ADK: variants seen among roughly 807,000 people sequenced by gnomAD.
The protein encoded by ADK is N6,N6-dimethyladenosine kinase.
Under a neutral mutation model 44.7 loss-of-function variants are expected in ADK, and 24 were observed. That is an observed-to-expected ratio of 0.54 (90% CI 0.39 to 0.76). ADK has a LOEUF of 0.76. Among genes scored for constraint, ADK ranks in the 30% least tolerant of loss-of-function variants. The probability of loss-of-function intolerance (pLI) is 0.00; values close to 1 mark genes in which losing one functional copy is unlikely to be tolerated. For missense variants in ADK, 321 were observed against 425.1 expected, an observed-to-expected ratio of 0.76 and a Z score of 2.15; for synonymous variants, 128 against 142.6, an observed-to-expected ratio of 0.90 and a Z score of 0.73.
At chr10:74,578,746 A>G (rs1029902721) in intron 7 of ADK, among the ~76,000 whole-genome samples, 15 of 152,208 alleles carry the variant, frequency 9.9e-5, no homozygotes, top group African/African-American at 3.6e-4. Context: ...GTAAGACAAA[A>G]AGCAAGAAAA....
intron 9 of ADK, among the ~76,000 whole-genome samples, chr10:74,666,576 T>A: frequency 6.7e-6 from 1 of 148,254 alleles, no homozygotes; most frequent in African/African-American, 2.6e-5. Context: ...ACTAACCAGG[T>A]CATTTTTCTA....
chr10:74,490,896 T>G (rs1847456798), intron 6 of ADK, among the ~76,000 whole-genome samples: 1 of 152,118 alleles, frequency 6.6e-6, no homozygotes, highest in Admixed American at 6.6e-5. Flanking sequence ...CATGTTTAGG[T>G]ACCACGTGTT....
chr10:74,605,034 G>A (rs1455428533), intron 9 of ADK, among the ~76,000 whole-genome samples: 4 of 152,086 alleles, frequency 2.6e-5, no homozygotes, highest in East Asian at 1.9e-4. Flanking sequence ...TCATGATTTG[G>A]CTCTCTGTTT....
chr10:74,269,262 C>G (rs1355211301), intron 3 of ADK, among the ~76,000 whole-genome samples: 1 of 152,042 alleles, frequency 6.6e-6, no homozygotes, highest in Non-Finnish European at 1.5e-5. Context: ...ATTTAGTAAC[C>G]TACATTTCCA....
At chr10:74,573,661 A>AT (rs1851057831) in intron 7 of ADK, among the ~76,000 whole-genome samples, 1 of 152,198 alleles carries the variant, frequency 6.6e-6, no homozygotes, top group Non-Finnish European at 1.5e-5. Flanking sequence ...AGCTCCACCC[A>AT]GTTGGAGCTT....
chr10:74,228,186 T>A (rs543666025), intron 3 of ADK, among the ~76,000 whole-genome samples: 1 of 152,368 alleles, frequency 6.6e-6, no homozygotes, highest in Admixed American at 6.5e-5. Flanking sequence ...TTTCTCTGTC[T>A]GAGGAAGATT....
At chr10:74,507,554 G>A (rs1848130934) in intron 6 of ADK, among the ~76,000 whole-genome samples, 1 of 152,016 alleles carries the variant, frequency 6.6e-6, no homozygotes, top group African/African-American at 2.4e-5. Flanking sequence ...GGCAGAGGTT[G>A]CAGTGAGCCG....
intron 3 of ADK, among the ~76,000 whole-genome samples, chr10:74,295,048 G>A (rs926106057): frequency 6.6e-6 from 1 of 151,796 alleles, no homozygotes; most frequent in Non-Finnish European, 1.5e-5. Context: ...ATAGAGCTGG[G>A]GTTTCACCCT....
intron 2 of ADK, among the ~76,000 whole-genome samples, chr10:74,211,517 A>G (rs1843811385): frequency 1.3e-5 from 2 of 152,222 alleles, no homozygotes; most frequent in African/African-American, 4.8e-5. Context: ...GTTAGATTCA[A>G]AAATTCTAAA....
chr10:74,200,163 T>G (rs1843320311), intron 1 of ADK, among the ~76,000 whole-genome samples: 1 of 147,256 alleles, frequency 6.8e-6, no homozygotes, highest in African/African-American at 2.5e-5. Context: ...TCTGTTTTTT[T>G]TTTTTTTTTT....
chr10:74,200,850 AC>A lies in ADK; in HGVS notation c.140+13del. 1 of 1,535,088 alleles carries A rather than the reference AC, an allele frequency of 6.5e-7. No homozygotes were observed. The highest frequency in any genetic ancestry group is 2.3e-5 in the East Asian group (1 of 44,370). ...GATTTCCTTGATAAGTAAGTATTAA[AC>A]TCTTCATATGCACTATGTGGAACTT... On this transcript the variant is annotated intron_variant, in intron 2 of 10. Coordinates refer to ENST00000539909, the MANE Select transcript of ADK (RefSeq NM_006721.4).
chr10:74,311,125 G>T (rs1266420433), intron 3 of ADK, among the ~76,000 whole-genome samples: 1 of 152,056 alleles, frequency 6.6e-6, no homozygotes, highest in Admixed American at 6.6e-5. Context: ...TTAATACCTT[G>T]GTTGTATTCT....
chr10:74,678,847 A>C (rs1434900452), intron 10 of ADK, among the ~76,000 whole-genome samples: 1 of 152,208 alleles, frequency 6.6e-6, no homozygotes, highest in Non-Finnish European at 1.5e-5. Flanking sequence ...ATTGGAAGTA[A>C]TTTGAATCCT....
At chr10:74,685,577 G>A (rs1855756044) in intron 10 of ADK, among the ~76,000 whole-genome samples, 3 of 152,132 alleles carry the variant, frequency 2.0e-5, no homozygotes. Context: ...TTTTTCTAAA[G>A]GTAGAAGAAA....
At chr10:74,371,648 C>G (rs988829335) in intron 4 of ADK, 2 of 1,011,992 alleles carry the variant, frequency 2.0e-6, no homozygotes, top group African/African-American at 3.1e-5. Context: ...AACAGTACAT[C>G]TCTATAAGGA....
At chr10:74,204,017 C>T (rs562301955) in intron 2 of ADK, among the ~76,000 whole-genome samples, 5 of 133,316 alleles carry the variant, frequency 3.8e-5, no homozygotes, top group African/African-American at 1.5e-4. Context: ...AGTGCAGTGG[C>T]ATGATCTCAG....
chr10:74,584,583 T>C (rs889740422), intron 7 of ADK, among the ~76,000 whole-genome samples: 4 of 152,188 alleles, frequency 2.6e-5, no homozygotes, highest in African/African-American at 9.7e-5. Context: ...TTTATACATA[T>C]ATGTAGAGAA....
chr10:74,269,246 C>A (rs1846334432), intron 3 of ADK, among the ~76,000 whole-genome samples: 1 of 152,120 alleles, frequency 6.6e-6, no homozygotes, highest in African/African-American at 2.4e-5. Context: ...TGTTTGAACA[C>A]TAGAGATTTA....
At chr10:74,364,741 T>TGTGTGTG (rs1592105264) in intron 4 of ADK, among the ~76,000 whole-genome samples, 1 of 138,618 alleles carries the variant, frequency 7.2e-6, no homozygotes, top group Non-Finnish European at 1.6e-5. Flanking sequence ...TGTGTGTGTG[T>TGTGTGTG]TCTAGCAACC....
Sources: allele counts gnomAD v4.1 joint callset (sites outside exome capture counted in the v4.1 genomes callset), GRCh38; gene constraint gnomAD v4.1.1; transcripts MANE v1.5; gene names NCBI Gene and HGNC (gene_info 2026-07-23, HGNC 2026-07-21).